EMG1: variants seen among roughly 807,000 people sequenced by gnomAD.
The protein encoded by EMG1 is EMG1 N1-specific pseudouridine methyltransferase.
A neutral mutation model predicts 26.9 loss-of-function variants in EMG1; 24 were observed. The observed-to-expected ratio is 0.89, with a 90% confidence interval of 0.65 to 1.26. The LOEUF (loss-of-function observed/expected upper bound fraction) is 1.26. Among genes scored for constraint, EMG1 ranks in the 50% most tolerant of loss-of-function variants. The probability of loss-of-function intolerance (pLI) is 0.00; values close to 1 mark genes in which losing one functional copy is unlikely to be tolerated. For missense variants in EMG1, 299 were observed against 307.6 expected (o/e 0.97, Z 0.21); for synonymous variants, 140 against 112.6 (o/e 1.24, Z -1.54).
chr12:6,989,313 G>GTT (rs113013257), downstream of EMG1, among the ~76,000 whole-genome samples: 26 of 126,446 alleles, frequency 2.1e-4, no homozygotes, highest in East Asian at 4.5e-4. Context: ...CAAAATGCGT[G>GTT]TTTTTTTTTT....
At position 6,975,132 on chromosome 12, in the gene EMG1, C is replaced by T. The variant is rs782008843; in HGVS notation, c.455C>T (p.Pro152Leu). ...HKLSVRAADG[P>L]QKLLKVIKNP... is the part of the protein sequence containing the mutation. ...CTCAGTGTTCGAGCAGCTGATGGCC[C>T]CCAGAAGCTTTTGAAGGTGAGGTAT... is the stretch of plus-strand genomic sequence containing the variant. The change falls in exon 4 of 6, where the codon CCC becomes CTC. Residue 152 changes from proline (P) to leucine (L), a missense_variant. By Grantham distance (98) the Pro-to-Leu change is moderately conservative. Coordinates refer to ENST00000599672, the MANE Select transcript of EMG1 (RefSeq NM_006331.8). 5.0e-6 allele frequency: 8 copies of T among 1,613,872 alleles called. No individual in the cohort carries two copies. In the South Asian group the frequency reaches 8.8e-5, roughly 18 times the overall value.
intron 1 of EMG1, among the ~76,000 whole-genome samples, chr12:6,972,958 C>T (rs1185686090): frequency 1.3e-5 from 2 of 151,876 alleles, no homozygotes; most frequent in African/African-American, 4.8e-5. Flanking sequence ...CCACCTCATC[C>T]TCCTGAGTAA....
intron 6 of EMG1, among the ~76,000 whole-genome samples, chr12:6,986,200 C>A (rs1326079534): frequency 1.3e-5 from 2 of 152,104 alleles, no homozygotes; most frequent in African/African-American, 4.8e-5. Context: ...CTTAGACTTC[C>A]CTCTGCCTCT....
In EMG1 at chr12:6,979,561, C is replaced by T. The variant is rs369173482; in HGVS notation, c.*3752C>T. On this transcript the variant is annotated 3_prime_UTR_variant, in exon 6 of 6. Coordinates refer to ENST00000599672, the MANE Select transcript of EMG1 (RefSeq NM_006331.8). ...GGTAGAAAAGGCCCAGACTCAGGCGCTTGAGAGCAGGAATGATGCTGGAAA... is the reference window on the plus strand; with the variant it reads ...GGTAGAAAAGGCCCAGACTCAGGCGTTTGAGAGCAGGAATGATGCTGGAAA... 1 of 1,613,690 alleles carries T rather than the reference C, an allele frequency of 6.2e-7. No homozygotes were observed. The highest frequency in any genetic ancestry group is 1.1e-5 in the South Asian group (1 of 91,076).
downstream of EMG1, among the ~76,000 whole-genome samples, chr12:6,984,554 G>A (rs1041706307): frequency 6.6e-6 from 1 of 152,142 alleles, no homozygotes; most frequent in African/African-American, 2.4e-5. Context: ...TCTTGAGTTG[G>A]TCATGGTTTA....
At position 6,971,077 on chromosome 12, in the gene EMG1, C is replaced by T. The variant is rs375042715; in HGVS notation, c.154C>T (p.Leu52=). The T allele has an allele frequency of 2.7e-5, 44 of 1,610,750 alleles. No homozygotes were observed. In the African/African-American group the frequency reaches 5.3e-4, roughly 20 times the overall value. The change falls in exon 1 of 6, where the codon CTG becomes TTG. Residue 52 remains leucine, a synonymous_variant. Transcript: ENST00000599672. ...RLIVVLEGAS[L]ETVKVGKTYE... is the part of the protein sequence containing the mutation. ...TATTGTGGTGCTGGAAGGGGCCAGT[C>T]TGGAGACAGTCAAGGTAGTTTGGGA...
chr12:6,970,956 T>C lies in EMG1; in HGVS notation c.33T>C (p.Arg11=). 3 of 1,613,220 alleles carry C rather than the reference T, an allele frequency of 1.9e-6. No individual in the cohort carries two copies. Among genetic ancestry groups the C allele is most frequent in the Non-Finnish European group, 2.5e-6 (3 of 1,179,540 alleles). MAAPSDGFKP[R]ERSGGEQAQD... ...CGCCCAGTGATGGATTCAAGCCTCG[T>C]GAACGAAGCGGTGGGGAGCAGGCAC... The change falls in exon 1 of 6, where the codon CGT becomes CGC. Residue 11 remains arginine, a synonymous_variant. Transcript: ENST00000599672.
chr12:6,984,806 ACCT>A (rs1263020295), downstream of EMG1, among the ~76,000 whole-genome samples: 2 of 151,912 alleles, frequency 1.3e-5, no homozygotes, highest in Non-Finnish European at 2.9e-5. Context: ...GCTGGCCTTG[ACCT>A]CCTGGGCTCA....
chr12:6,973,794 G>A (rs782443634), intron 1 of EMG1, among the ~76,000 whole-genome samples: 7 of 151,792 alleles, frequency 4.6e-5, no homozygotes, highest in African/African-American at 7.3e-5. Context: ...TGCCCGCCTC[G>A]GCCTCCCAAA....
At chr12:6,997,140 A>G (rs1946643325) in intron 7 of EMG1, 1 of 152,140 alleles carries the variant, frequency 6.6e-6, no homozygotes, top group Non-Finnish European at 1.5e-5. Flanking sequence ...AATTTTGAAA[A>G]ACTGTATATC....
downstream of EMG1, among the ~76,000 whole-genome samples, chr12:6,990,166 G>GT (rs1482907237): frequency 4.3e-5 from 6 of 139,910 alleles, no homozygotes; most frequent in South Asian, 2.3e-4. Flanking sequence ...CAACAAAGTT[G>GT]TTTTTTTTGA....
Position 6,977,973 on chromosome 12 carries a change from G to A in EMG1, c.*2164G>A. 3 of 581,018 alleles carry A rather than the reference G, an allele frequency of 5.2e-6. 1 individual carries two copies. The South Asian group carries it at 6.0e-5, about 12-fold the overall frequency. 36.0% of individuals were successfully genotyped at this position (581,018 alleles called of 1,614,324 possible). On this transcript the variant is annotated 3_prime_UTR_variant, in exon 6 of 6. Transcript: ENST00000599672. The surrounding 1 kb of genome is among the most constrained non-coding windows in gnomAD (Gnocchi z 4.5). ...GCACGAGCCACTTGGTTCAGCAGCA[G>A]TGACTGAGGCTGATGCTGAGATCAG...
At chr12:6,981,531 T>C (rs1946470958), downstream of EMG1, 2 of 1,548,914 alleles carry the variant, frequency 1.3e-6, no homozygotes. Flanking sequence ...CAGTCTTTTG[T>C]TAACAACTTT....
intron 1 of EMG1, 70 bp downstream of exon 1, chr12:6,971,161 G>A (rs1946321361): frequency 1.5e-6 from 2 of 1,307,578 alleles, no homozygotes; most frequent in Non-Finnish European, 2.2e-6. Context: ...AGGGTAAGGG[G>A]CCCAGAGTGG....
At position 6,977,524 on chromosome 12, in the gene EMG1, G is replaced by A; in HGVS notation, c.*1715G>A. ...GGGGCTCTCTTGAATGAGCCTGGCA[G>A]CCTGGGGAGGGAGGAGGAGCTCATC... On this transcript the variant is annotated 3_prime_UTR_variant, in exon 6 of 6. Transcript: ENST00000599672. The surrounding 1 kb of genome is among the most constrained non-coding windows in gnomAD (Gnocchi z 4.5). The A allele has an allele frequency of 6.2e-7, 1 of 1,614,194 alleles. No homozygotes were observed.
chr12:6,979,554 T>G lies in EMG1; in HGVS notation c.*3745T>G. 6.2e-7 allele frequency: 1 copy of G among 1,614,004 alleles called. No homozygotes were observed. Among genetic ancestry groups the G allele is most frequent in the Non-Finnish European group, 8.5e-7 (1 of 1,179,882 alleles). On this transcript the variant is annotated 3_prime_UTR_variant, in exon 6 of 6. Coordinates refer to ENST00000599672, the MANE Select transcript of EMG1 (RefSeq NM_006331.8). ...CCCACTAGGTAGAAAAGGCCCAGAC[T>G]CAGGCGCTTGAGAGCAGGAATGATG...
At chr12:6,974,948 T>C (rs1946375287) in intron 3 of EMG1, 142 bp from the exon 4 acceptor site, 1 of 925,288 alleles carries the variant, frequency 1.1e-6, no homozygotes, top group Admixed American at 2.0e-5. Context: ...TGGCAACTGT[T>C]TGTTCCTAAC....
Position 6,978,602 on chromosome 12 carries a change from C to A in EMG1, c.*2793C>A. 1 of 1,614,152 alleles carries A rather than the reference C, an allele frequency of 6.2e-7. No homozygotes were observed. Among genetic ancestry groups the A allele is most frequent in the Non-Finnish European group, 8.5e-7 (1 of 1,179,998 alleles). On this transcript the variant is annotated 3_prime_UTR_variant, in exon 6 of 6. Transcript: ENST00000599672. ...GACCTTGTTTCAACTTTTCTACTTA[C>A]TGTGACCAGCCAACAGGTGACATAT...
chr12:6,978,619 G>T lies in EMG1; in HGVS notation c.*2810G>T. The T allele has an allele frequency of 6.2e-7, 1 of 1,614,198 alleles. No individual in the cohort carries two copies. The highest frequency in any genetic ancestry group is 8.5e-7 in the Non-Finnish European group (1 of 1,180,048). On this transcript the variant is annotated 3_prime_UTR_variant, in exon 6 of 6. Coordinates refer to ENST00000599672, the MANE Select transcript of EMG1 (RefSeq NM_006331.8). Reference sequence around the variant, plus strand: ...TCTACTTACTGTGACCAGCCAACAGGTGACATATTTGTACAGCACAAACTT... The same window carrying T: ...TCTACTTACTGTGACCAGCCAACAGTTGACATATTTGTACAGCACAAACTT...
Sources: gnomAD v4.1 joint callset for allele counts (sites outside exome capture counted in the v4.1 genomes callset) on GRCh38, gnomAD v4.1.1 for gene constraint, Gnocchi (gnomAD v3.1) non-coding constraint, MANE v1.5 for transcripts, NCBI Gene and HGNC (gene_info 2026-07-23, HGNC 2026-07-21) for gene names.